The following GPR35 variants were observed in gnomAD, a reference collection of about 807,000 sequenced individuals.
GPR35 encodes KYNA receptor.
For missense variants in GPR35, 372 were observed against 422.5 expected (o/e 0.88, Z 1.05); for synonymous variants, 207 against 198.4 (o/e 1.04, Z -0.36).
At chr2:240,614,246 T>C (rs998730719) in intron 2 of GPR35, among the ~76,000 whole-genome samples, 1 of 151,964 alleles carries the variant, frequency 6.6e-6, no homozygotes, top group African/African-American at 2.4e-5. Context: ...CCCTAAGCCT[T>C]GTATTGACCA....
In GPR35 at chr2:240,630,654, C is replaced by G; in HGVS notation, c.702C>G (p.His234Gln). 6.2e-7 allele frequency: 1 copy of G among 1,613,204 alleles called. No individual in the cohort carries two copies. The highest frequency in any genetic ancestry group is 8.5e-7 in the Non-Finnish European group (1 of 1,180,014). Residue 234 changes from histidine to glutamine, a missense_variant, in exon 2 of 2, where the codon CAC (histidine) becomes CAG (glutamine). Coordinates refer to ENST00000407714, the MANE Select transcript of GPR35 (RefSeq NM_005301.5). ...LVFVVCFLPL[H>Q]VGLTVRLAVG... ...TCGTGGTCTGCTTCCTGCCCCTGCA[C>G]GTGGGGCTGACAGTGCGCCTCGCAG... is the stretch of plus-strand genomic sequence containing the variant.
At chr2:240,621,403 C>T (rs530369355), upstream of GPR35, among the ~76,000 whole-genome samples, 78 of 152,190 alleles carry the variant, frequency 5.1e-4, 1 homozygote, top group East Asian at 5.8e-4. Context: ...TACAGGCACG[C>T]GCCACCACGC....
At chr2:240,619,596 C>A (rs1433972850) in intron 5 of GPR35, among the ~76,000 whole-genome samples, 2 of 152,220 alleles carry the variant, frequency 1.3e-5, no homozygotes, top group Admixed American at 6.5e-5. Context: ...CCTGCTGCCC[C>A]GGGGAGGACG....
rs778905837 is a variant in GPR35, at chr2:240,630,232, G to A, written c.280G>A (p.Gly94Ser). The change falls in exon 2 of 2, where the codon GGC becomes AGC. Residue 94 changes from glycine (G) to serine (S), a missense_variant. Gly to Ser is a moderately conservative substitution (Grantham distance 56). Coordinates refer to ENST00000407714, the MANE Select transcript of GPR35 (RefSeq NM_005301.5). ...SDTPLCQLSQ[G>S]IYLTNRYMSI... ...CACGCCGCTGTGCCAGCTCTCCCAG[G>A]GCATCTACCTGACCAACAGGTACAT... is the stretch of plus-strand genomic sequence containing the variant. 3.2e-6 allele frequency: 5 copies of A among 1,565,856 alleles called. No homozygotes were observed. Among genetic ancestry groups the A allele is most frequent in the Non-Finnish European group, 4.3e-6 (5 of 1,158,260 alleles).
chr2:240,629,866 G>A, intron 1 of GPR35, 83 bp from the exon 2 acceptor site: 1 of 1,238,938 alleles, frequency 8.1e-7, no homozygotes, highest in Non-Finnish European at 1.1e-6. Flanking sequence ...CCACATCCCT[G>A]CCCAGAGGTG....
At position 240,630,316 on chromosome 2, in the gene GPR35, C is replaced by T; in HGVS notation, c.364C>T (p.Leu122=). 6.3e-7 allele frequency: 1 copy of T among 1,588,546 alleles called. No individual in the cohort carries two copies. The highest frequency in any genetic ancestry group is 8.5e-7 in the Non-Finnish European group (1 of 1,172,040). ...CCGCTATGTGGCCGTGCGGCACCCGCTGCGTGCCCGCGGGCTGCGGTCCCC... is the reference window on the plus strand; with the variant it reads ...CCGCTATGTGGCCGTGCGGCACCCGTTGCGTGCCCGCGGGCTGCGGTCCCC... ...VDRYVAVRHP[L]RARGLRSPRQ... Residue 122 remains leucine (L), a synonymous_variant, in exon 2 of 2, where the codon CTG becomes TTG. Transcript: ENST00000407714.
rs1286672200 is a variant in GPR35 at position 240,629,991 on chromosome 2, C to T, written c.39C>T (p.Leu13=). 2.5e-6 allele frequency: 4 copies of T among 1,611,072 alleles called. No individual in the cohort carries two copies. The highest frequency in any genetic ancestry group is 3.4e-6 in the Non-Finnish European group (4 of 1,178,324). ...GTYNTCGSSD[L]TWPPAIKLGF... ...ACAACACCTGTGGCTCCAGCGACCTCACCTGGCCCCCAGCGATCAAGCTGG... is the reference window on the plus strand; with the variant it reads ...ACAACACCTGTGGCTCCAGCGACCTTACCTGGCCCCCAGCGATCAAGCTGG... Residue 13 remains leucine (L), a synonymous_variant, in exon 2 of 2, where the codon CTC becomes CTT. Coordinates refer to ENST00000407714, the MANE Select transcript of GPR35 (RefSeq NM_005301.5).
chr2:240,626,316 T>G (rs200226398), intron 1 of GPR35, among the ~76,000 whole-genome samples: 1 of 4,336 alleles, frequency 2.3e-4, no homozygotes, highest in Non-Finnish European at 5.0e-4. Context: ...CAGAGCGGGG[T>G]GAGGCTGTGA....
At chr2:240,614,619 A>G (rs1439513398) in intron 2 of GPR35, among the ~76,000 whole-genome samples, 1 of 152,174 alleles carries the variant, frequency 6.6e-6, no homozygotes, top group Non-Finnish European at 1.5e-5. Flanking sequence ...GCCCATGTGG[A>G]AGGGGGCTCA....
chr2:240,622,114 A>C (rs2043302765), upstream of GPR35, among the ~76,000 whole-genome samples: 1 of 151,906 alleles, frequency 6.6e-6, no homozygotes, highest in South Asian at 2.1e-4. Flanking sequence ...TTCTGGGCTC[A>C]AGCCAACCTC....
At chr2:240,619,676 G>C (rs1208390996) in intron 5 of GPR35, among the ~76,000 whole-genome samples, 1 of 152,222 alleles carries the variant, frequency 6.6e-6, no homozygotes, top group East Asian at 1.9e-4. Context: ...GTTCAGTTTA[G>C]GGCGGGGATG....
intron 2 of GPR35, among the ~76,000 whole-genome samples, chr2:240,613,617 A>G (rs2043207533): frequency 6.6e-6 from 1 of 152,206 alleles, no homozygotes; most frequent in Non-Finnish European, 1.5e-5. Flanking sequence ...CCTAACTCGA[A>G]CCCAAACCCT....
chr2:240,629,617 A>C, intron 1 of GPR35: 1 of 249,186 alleles, frequency 4.0e-6, no homozygotes, highest in Non-Finnish European at 7.7e-6. Context: ...CCTGTCCAGG[A>C]TTTGCGCTCT....
At chr2:240,623,098 T>C (rs2975778), upstream of GPR35, among the ~76,000 whole-genome samples, 125,332 of 152,170 alleles carry the variant, frequency 0.82, 52,002 homozygotes, top group African/African-American at 0.93. Context: ...GCACCTGATA[T>C]GTCCCCGGCA....
At position 240,610,852 on chromosome 2, in the gene GPR35, T is replaced by C. The variant is rs554985984; in HGVS notation, c.-577+4240T>C. ...GGCTTCACTGTGTTAGCCAGGATGGTCTTGATCTCCTGACCTCGTGATCTG... is the reference window on the plus strand; with the variant it reads ...GGCTTCACTGTGTTAGCCAGGATGGCCTTGATCTCCTGACCTCGTGATCTG... On this transcript the variant is annotated intron_variant, in intron 2 of 5. Transcript: ENST00000319838. 5.9e-5 allele frequency among the ~76,000 whole-genome samples: 9 copies of C among 151,670 alleles called. No homozygotes were observed. In the East Asian group the frequency reaches 1.6e-3, roughly 26 times the overall value.
upstream of GPR35, among the ~76,000 whole-genome samples, chr2:240,624,010 G>T (rs1246836493): frequency 2.8e-5 from 3 of 105,994 alleles, no homozygotes; most frequent in Non-Finnish European, 4.8e-5. Flanking sequence ...GCCTGGTGGT[G>T]GGGGGGGTGG....
rs2043453487 is a variant in GPR35, at chr2:240,631,979, CG to C, written c.*1099del. 6.9e-6 allele frequency among the ~76,000 whole-genome samples: 1 copy of C among 144,966 alleles called. No homozygotes were observed. Among genetic ancestry groups the C allele is most frequent in the Admixed American group, 6.8e-5 (1 of 14,638 alleles). On this transcript the variant is annotated 3_prime_UTR_variant, in exon 2 of 2. Coordinates refer to ENST00000407714, the MANE Select transcript of GPR35 (RefSeq NM_005301.5). The stretch of plus-strand genomic sequence containing the variant: ...ATGGCATCTCACAGGACCCAGGCTC[CG>C]GAGGGCCCATGCCCAGGAGAGCCCC...
At chr2:240,624,666 G>A (rs1575467441), upstream of GPR35, among the ~76,000 whole-genome samples, 1 of 152,206 alleles carries the variant, frequency 6.6e-6, no homozygotes, top group Non-Finnish European at 1.5e-5. Flanking sequence ...CTGTGGTCAG[G>A]GGCTGTGGGG....
At chr2:240,621,400 A>G (rs1350399818), upstream of GPR35, among the ~76,000 whole-genome samples, 2 of 152,042 alleles carry the variant, frequency 1.3e-5, no homozygotes, top group Admixed American at 6.5e-5. Context: ...GACTACAGGC[A>G]CGCGCCACCA....
Sources: allele counts gnomAD v4.1 joint callset (sites outside exome capture counted in the v4.1 genomes callset), GRCh38; gene constraint gnomAD v4.1.1; transcripts MANE v1.5; gene names NCBI Gene and HGNC (gene_info 2026-07-23, HGNC 2026-07-21).